The following NAIF1 variants were observed in gnomAD, a reference collection of about 807,000 sequenced individuals.
The protein encoded by NAIF1 is nuclear apoptosis inducing factor 1.
In NAIF1, 14 loss-of-function variants were observed where a neutral mutation model predicts 20.7. The ratio of observed to expected loss-of-function variants is 0.67; its 90% CI spans 0.45 to 1.05. The LOEUF (loss-of-function observed/expected upper bound fraction) is 1.05. Ranked by LOEUF, NAIF1 falls within the 50% of genes least tolerant of loss-of-function variation. NAIF1 has a pLI of 0.00. For synonymous variants in NAIF1, 191 were observed against 191.4 expected (o/e 1.00, Z 0.02); for missense variants, 362 against 448.8 (o/e 0.81, Z 1.75).
chr9:128,063,886 T>A lies in NAIF1; in HGVS notation c.526A>T (p.Thr176Ser), dbSNP rs1400039729. ...ACGCCCTCCTCCAGCGTGTGATAGG[T>A]GGTCTCTGTGGGGACTGCACAGTAG... ...VTLTQIPTET[T>S]YHTLEEGVVE... The change falls in exon 2 of 2, where the codon ACC (threonine) becomes TCC (serine). Residue 176 changes from threonine to serine, a missense_variant. By Grantham distance (58) the Thr-to-Ser change is moderately conservative (BLOSUM62 1). Around this residue, in one of 3 missense-constraint regions of NAIF1, gnomAD observed 300 missense variants for 342.7 expected, o/e 0.88. Transcript: ENST00000373078. This position sits in a 1 kb window ranked among gnomAD's most constrained non-coding sequence, Gnocchi z 4.3. 6.2e-7 allele frequency: 1 copy of A among 1,605,090 alleles called. No individual in the cohort carries two copies. The highest frequency in any genetic ancestry group is 8.5e-7 in the Non-Finnish European group (1 of 1,179,848).
In NAIF1 at chr9:128,067,018, C is replaced by G; in HGVS notation, c.84G>C (p.Lys28Asn). The change falls in exon 1 of 2, where the codon AAG (lysine) becomes AAC (asparagine). Residue 28 changes from lysine (K) to asparagine (N), a missense_variant. Physicochemically the swap from Lys to Asn is moderately conservative, Grantham distance 94. Around this residue, in one of 3 missense-constraint regions of NAIF1, gnomAD observed 51 missense variants for 68.7 expected, o/e 0.74. Transcript: ENST00000373078. ...EIIVEELELK[K>N]HLLVNHFNAG... The stretch of plus-strand genomic sequence containing the variant: ...CGTTGAAGTGGTTCACCAGCAGGTG[C>G]TTCTTCAGCTCCAGCTCCTCCACGA... 1 of 1,613,976 alleles carries G rather than the reference C, an allele frequency of 6.2e-7. No individual in the cohort carries two copies. The highest frequency in any genetic ancestry group is 8.5e-7 in the Non-Finnish European group (1 of 1,180,010).
At chr9:128,065,109 G>T (rs978153612) in intron 1 of NAIF1, among the ~76,000 whole-genome samples, 2 of 103,258 alleles carry the variant, frequency 1.9e-5, no homozygotes, top group Non-Finnish European at 4.0e-5. Flanking sequence ...GATGCTTTCT[G>T]CTTTTTTTTT....
intron 1 of NAIF1, among the ~76,000 whole-genome samples, chr9:128,064,366 G>A (rs950881167): frequency 5.9e-5 from 9 of 151,892 alleles, no homozygotes; most frequent in Non-Finnish European, 1.0e-4. Context: ...GTGAGCCACC[G>A]CGCCTGGCCG....
rs1588732515 is a variant in NAIF1 at position 128,062,547 on chromosome 9, G to C, written c.*881C>G. ...GCCTTCCTGGAGGCCTTCCTAGGAG[G>C]GGTTCACACACAGAATAAATACAAC... On this transcript the variant is annotated 3_prime_UTR_variant, in exon 2 of 2. Transcript: ENST00000373078. 1.5e-5 allele frequency: 2 copies of C among 133,290 alleles called. No individual in the cohort carries two copies. The highest frequency in any genetic ancestry group is 3.9e-4 in the East Asian group (2 of 5,192). 8.3% of individuals were successfully genotyped at this position (133,290 alleles called of 1,614,324 possible).
chr9:128,066,988 C>A lies in NAIF1; in HGVS notation c.114G>T (p.Gly38=). ...KHLLVNHFNA[G]VPLAAKSAAW... ...CCGCACTCTTGGCGGCCAGGGGTAC[C>A]CCGGCGTTGAAGTGGTTCACCAGCA... Residue 38 remains glycine (G), a synonymous_variant, in exon 1 of 2, where the codon GGG becomes GGT. Coordinates refer to ENST00000373078, the MANE Select transcript of NAIF1 (RefSeq NM_197956.4). 1.2e-6 allele frequency: 2 copies of A among 1,613,682 alleles called. No individual in the cohort carries two copies. The highest frequency in any genetic ancestry group is 1.7e-6 in the Non-Finnish European group (2 of 1,179,996).
intron 1 of NAIF1, among the ~76,000 whole-genome samples, chr9:128,065,837 GGCCTCC>G (rs1832771180): frequency 6.6e-6 from 1 of 152,060 alleles, no homozygotes; most frequent in South Asian, 2.1e-4. Flanking sequence ...GGGCTGTATG[GGCCTCC>G]GCGCATGTGG....
chr9:128,066,821 TCACCACCCTCCACGGCGGCC>T lies in NAIF1; in HGVS notation c.261_280del (p.Ala88GlyfsTer6). ...GTCCTCCTCAGTGGGCCCCGGCGCC[TCACCACCCTCCACGGCGGCC>T]CGGACCTGGGCAACCTTGCGACGGA... On this transcript the variant is annotated frameshift_variant, in exon 1 of 2. Coordinates refer to ENST00000373078, the MANE Select transcript of NAIF1 (RefSeq NM_197956.4). LOFTEE classifies it high-confidence loss of function. 5 of 1,611,508 alleles carry T rather than the reference TCACCACCCTCCACGGCGGCC, an allele frequency of 3.1e-6. No individual in the cohort carries two copies. The highest frequency in any genetic ancestry group is 2.5e-6 in the Non-Finnish European group (3 of 1,179,108).
rs1832718204 is a variant in NAIF1, at chr9:128,061,583, A to G, written c.*1845T>C. On this transcript the variant is annotated 3_prime_UTR_variant, in exon 2 of 2. Coordinates refer to ENST00000373078, the MANE Select transcript of NAIF1 (RefSeq NM_197956.4). ...CGAATGCCTCCACAGAGAGGCTGAC[A>G]GTACAGCAGTCACCTCCCAGCTGTC... is the stretch of plus-strand genomic sequence containing the variant. The G allele has an allele frequency of 6.6e-6, 1 of 152,240 alleles. No individual in the cohort carries two copies. The highest frequency in any genetic ancestry group is 2.4e-5 in the African/African-American group (1 of 41,448). The allele number at this position is 152,240 out of a possible 1,614,324, so 9.4% of individuals were successfully genotyped here.
Position 128,061,569 on chromosome 9 carries a change from A to G in NAIF1, c.*1859T>C, listed in dbSNP as rs1346939271. On this transcript the variant is annotated 3_prime_UTR_variant, in exon 2 of 2. Transcript: ENST00000373078. ...TAGCTGGCACTGCACGAATGCCTCC[A>G]CAGAGAGGCTGACAGTACAGCAGTC... The G allele has an allele frequency of 6.6e-6, 1 of 152,256 alleles. No individual in the cohort carries two copies. The highest frequency in any genetic ancestry group is 1.9e-4 in the East Asian group (1 of 5,204). 9.4% of individuals were successfully genotyped at this position (152,256 alleles called of 1,614,324 possible). A position where few individuals can be genotyped will look rare whatever the true frequency, so the allele number is the denominator to read the frequency against.
Position 128,063,198 on chromosome 9 carries a change from C to G in NAIF1, c.*230G>C. 2 of 571,114 alleles carry G rather than the reference C, an allele frequency of 3.5e-6. No individual in the cohort carries two copies. The highest frequency in any genetic ancestry group is 6.3e-6 in the Non-Finnish European group (2 of 319,262). The allele number at this position is 571,114 out of a possible 1,614,324, so 35.4% of individuals were successfully genotyped here. ...CATCACATGCACACGTGACCCCCTGCTAACCAATCTTCTGGATCTTAGCAA... is the reference window on the plus strand; with the variant it reads ...CATCACATGCACACGTGACCCCCTGGTAACCAATCTTCTGGATCTTAGCAA... On this transcript the variant is annotated 3_prime_UTR_variant, in exon 2 of 2. Transcript: ENST00000373078. The surrounding 1 kb of genome is among the most constrained non-coding windows in gnomAD (Gnocchi z 4.3).
At chr9:128,066,434 A>T in intron 1 of NAIF1, 157 bp downstream of exon 1, 1 of 716,422 alleles carries the variant, frequency 1.4e-6, no homozygotes, top group Admixed American at 3.8e-5. Context: ...AGAGAGCAAG[A>T]TCACTTCTGT....
At position 128,061,968 on chromosome 9, in the gene NAIF1, A is replaced by T. The variant is rs895164866; in HGVS notation, c.*1460T>A. 4 of 152,004 alleles carry T rather than the reference A, an allele frequency of 2.6e-5. No homozygotes were observed. Among genetic ancestry groups the T allele is most frequent in the Non-Finnish European group, 5.9e-5 (4 of 68,078 alleles). 9.4% of individuals were successfully genotyped at this position (152,004 alleles called of 1,614,324 possible). ...GCTCTTCCCTGAGCATAGAATCCAA[A>T]GGGTCCCATTTGTTTTTTTGGTTTT... On this transcript the variant is annotated 3_prime_UTR_variant, in exon 2 of 2. Transcript: ENST00000373078.
chr9:128,063,420 C>T lies in NAIF1; in HGVS notation c.*8G>A. The T allele has an allele frequency of 6.2e-7, 1 of 1,602,458 alleles. No homozygotes were observed. Among genetic ancestry groups the T allele is most frequent in the Non-Finnish European group, 8.5e-7 (1 of 1,177,288 alleles). On this transcript the variant is annotated 3_prime_UTR_variant, in exon 2 of 2. Coordinates refer to ENST00000373078, the MANE Select transcript of NAIF1 (RefSeq NM_197956.4). This position sits in a 1 kb window ranked among gnomAD's most constrained non-coding sequence, Gnocchi z 4.3. ...CATCATGGCAGAAGGCTGGCCTGAC[C>T]CCTGCCCTCACTGGATGATGCTGTC... is the stretch of plus-strand genomic sequence containing the variant.
At chr9:128,065,499 T>C (rs190092176) in intron 1 of NAIF1, among the ~76,000 whole-genome samples, 158 of 152,292 alleles carry the variant, frequency 1.0e-3, no homozygotes, top group Non-Finnish European at 1.8e-3. Flanking sequence ...GTAGCTAAAG[T>C]ACCCAGTCAA....
chr9:128,063,342 T>TAAGGCC lies in NAIF1; in HGVS notation c.*80_*85dup. ...GAGGGAGCTGTGCACGTGGCCGGTC[T>TAAGGCC]AAGGCCAAGGCCAATCACAGGACCC... is the stretch of plus-strand genomic sequence containing the variant. On this transcript the variant is annotated 3_prime_UTR_variant, in exon 2 of 2. Coordinates refer to ENST00000373078, the MANE Select transcript of NAIF1 (RefSeq NM_197956.4). This position sits in a 1 kb window ranked among gnomAD's most constrained non-coding sequence, Gnocchi z 4.3. 1 of 1,307,244 alleles carries TAAGGCC rather than the reference T, an allele frequency of 7.6e-7. No homozygotes were observed. Among genetic ancestry groups the TAAGGCC allele is most frequent in the East Asian group, 2.3e-5 (1 of 43,168 alleles). 81.0% of individuals were successfully genotyped at this position (1,307,244 alleles called of 1,614,324 possible).
intron 1 of NAIF1, 116 bp downstream of exon 1, chr9:128,066,475 C>T: frequency 1.7e-6 from 2 of 1,157,588 alleles, no homozygotes; most frequent in South Asian, 4.1e-5. Context: ...GCCTCATGGT[C>T]TTCCAAGACC....
At chr9:128,066,427 G>A in intron 1 of NAIF1, 164 bp downstream of exon 1, 1 of 674,314 alleles carries the variant, frequency 1.5e-6, no homozygotes, top group South Asian at 3.8e-5. Context: ...GTCCCAAAGA[G>A]AGCAAGATCA....
Position 128,063,103 on chromosome 9 carries a change from TG to T in NAIF1, c.*324del. ...GGCCCCCAGTGACAGCCCGTTGTGTTGTTCCTTACAGTTGTCCAAGACCAAG... is the reference window on the plus strand; with the variant it reads ...GGCCCCCAGTGACAGCCCGTTGTGTTTTCCTTACAGTTGTCCAAGACCAAG... On this transcript the variant is annotated 3_prime_UTR_variant, in exon 2 of 2. Coordinates refer to ENST00000373078, the MANE Select transcript of NAIF1 (RefSeq NM_197956.4). The surrounding 1 kb of genome is among the most constrained non-coding windows in gnomAD (Gnocchi z 4.3). 1 of 342,976 alleles carries T rather than the reference TG, an allele frequency of 2.9e-6. No homozygotes were observed. Among genetic ancestry groups the T allele is most frequent in the East Asian group, 5.6e-5 (1 of 17,964 alleles). The allele number at this position is 342,976 out of a possible 1,614,324, so 21.2% of individuals were successfully genotyped here. A position where few individuals can be genotyped will look rare whatever the true frequency, so the allele number is the denominator to read the frequency against.
Position 128,067,277 on chromosome 9 carries a change from G to T in NAIF1, c.-176C>A, listed in dbSNP as rs755854469. On this transcript the variant is annotated 5_prime_UTR_variant, in exon 1 of 2. Coordinates refer to ENST00000373078, the MANE Select transcript of NAIF1 (RefSeq NM_197956.4). ...CCCCTCGCTACGCAAAGTGCGTAGG[G>T]CCCAGCCCCGACCGGCCCGGCCGCT... 9.9e-6 allele frequency: 7 copies of T among 709,818 alleles called. No individual in the cohort carries two copies. In the Admixed American group the frequency reaches 1.0e-4, roughly 10 times the overall value. The allele number at this position is 709,818 out of a possible 1,614,324, so 44.0% of individuals were successfully genotyped here. A position where few individuals can be genotyped will look rare whatever the true frequency, so the allele number is the denominator to read the frequency against.
Sources: allele counts gnomAD v4.1 joint callset (sites outside exome capture counted in the v4.1 genomes callset), GRCh38; gene constraint gnomAD v4.1.1; regional missense constraint gnomAD v4.1.1; non-coding constraint Gnocchi (gnomAD v3.1); transcripts MANE v1.5; gene names NCBI Gene and HGNC (gene_info 2026-07-23, HGNC 2026-07-21).